PTPRD: variants seen among roughly 807,000 people sequenced by gnomAD.
PTPRD encodes the protein receptor-type tyrosine-protein phosphatase delta.
A neutral mutation model predicts 214.5 loss-of-function variants in PTPRD; 34 were observed. The observed-to-expected ratio is 0.16, with a 90% confidence interval of 0.12 to 0.21. The LOEUF is 0.21. Among genes scored for constraint, PTPRD ranks in the 10% least tolerant of loss-of-function variants. The pLI is 1.00. For missense variants in PTPRD, 2,545 were observed against 2,398.7 expected (o/e 1.06, Z -1.27); for synonymous variants, 1,128 against 845.7 (o/e 1.33, Z -5.79).
chr9:8,808,996 A>G (rs972576919), intron 11 of PTPRD, among the ~76,000 whole-genome samples: 1 of 152,184 alleles, frequency 6.6e-6, no homozygotes, highest in Non-Finnish European at 1.5e-5. Flanking sequence ...GCCACTATTC[A>G]TAGAACAAAA....
At chr9:9,951,667 A>G (rs2093466124) in intron 4 of PTPRD, among the ~76,000 whole-genome samples, 1 of 152,196 alleles carries the variant, frequency 6.6e-6, no homozygotes, top group African/African-American at 2.4e-5. Context: ...ATTCCTTCCT[A>G]CAGCCCCTCT....
chr9:10,345,866 T>G (rs2097068581), intron 2 of PTPRD, among the ~76,000 whole-genome samples: 3 of 152,218 alleles, frequency 2.0e-5, no homozygotes, highest in Admixed American at 1.3e-4. Flanking sequence ...TGAAGTAATT[T>G]ACACTCCCAC....
chr9:9,625,553 A>ATTTTTT (rs61688647), intron 7 of PTPRD, among the ~76,000 whole-genome samples: 6 of 142,872 alleles, frequency 4.2e-5, no homozygotes, highest in Non-Finnish European at 3.1e-5. Context: ...TTGTTCCTCT[A>ATTTTTT]TTTTTTTTTT....
chr9:8,338,246 A>C (rs1476664111), intron 43 of PTPRD, among the ~76,000 whole-genome samples: 2 of 152,122 alleles, frequency 1.3e-5, no homozygotes, highest in Non-Finnish European at 2.9e-5. Flanking sequence ...TCATGGGTTG[A>C]AAGTGGCCAA....
intron 3 of PTPRD, among the ~76,000 whole-genome samples, chr9:10,199,456 G>A (rs146831332): frequency 6.6e-5 from 10 of 152,028 alleles, no homozygotes; most frequent in South Asian, 4.2e-4. Flanking sequence ...TTATTCTGTC[G>A]TGAAAACTTT....
At chr9:9,867,906 G>C (rs1022356241) in intron 5 of PTPRD, among the ~76,000 whole-genome samples, 2 of 152,154 alleles carry the variant, frequency 1.3e-5, no homozygotes, top group Non-Finnish European at 2.9e-5. Flanking sequence ...TCCCCAGAAA[G>C]AAATCTGGAA....
rs71317359 is a variant in PTPRD at position 8,351,742 on chromosome 9, TAAAAAAAAAA to T, written c.4662-9774_4662-9765del. ...AGAGAGGAGACTGCTTGGCAAAGAG[TAAAAAAAAAA>T]AAAAAAAAAAAAAAAAAAAATCTAG... On this transcript the variant is annotated intron_variant, in intron 39 of 45. Transcript: ENST00000381196. 1.5e-4 allele frequency among the ~76,000 whole-genome samples: 10 copies of T among 68,524 alleles called. No individual in the cohort carries two copies. In the South Asian group the frequency reaches 1.8e-3, roughly 12 times the overall value. 45.0% of individuals were successfully genotyped at this position (68,524 alleles called of 152,430 possible).
intron 9 of PTPRD, among the ~76,000 whole-genome samples, chr9:9,191,551 C>T (rs1409527619): frequency 1.3e-5 from 2 of 152,118 alleles, no homozygotes; most frequent in African/African-American, 4.8e-5. Context: ...TTAACTAATA[C>T]ATTTTATGAG....
At chr9:8,557,554 C>A (rs1435149733) in intron 14 of PTPRD, among the ~76,000 whole-genome samples, 1 of 149,086 alleles carries the variant, frequency 6.7e-6, no homozygotes, top group Non-Finnish European at 1.5e-5. Context: ...ACTAGCCTGA[C>A]CAACATGGCG....
chr9:9,837,556 A>C (rs935143768), intron 5 of PTPRD, among the ~76,000 whole-genome samples: 1 of 152,148 alleles, frequency 6.6e-6, no homozygotes, highest in Non-Finnish European at 1.5e-5. Flanking sequence ...TTAAGCAACC[A>C]GTCTTTGATT....
In PTPRD at chr9:10,220,908, C is replaced by T. The variant is rs1476742807; in HGVS notation, c.-545+120055G>A. On this transcript the variant is annotated intron_variant, in intron 3 of 45. Transcript: ENST00000381196. ...AGAGAAGAGAGAAAGCTAAAGGGCA[C>T]AAGGAAGAAATGGACAAAAAATAAA... is the stretch of plus-strand genomic sequence containing the variant. Among the ~76,000 whole-genome samples, 5 of 150,918 alleles carry T rather than the reference C, an allele frequency of 3.3e-5. No homozygotes were observed. In the South Asian group the frequency reaches 6.3e-4, roughly 19 times the overall value.
At chr9:9,256,196 G>C (rs2099977619) in intron 9 of PTPRD, among the ~76,000 whole-genome samples, 1 of 151,934 alleles carries the variant, frequency 6.6e-6, no homozygotes, top group Admixed American at 6.6e-5. Flanking sequence ...TTTCTCCTTG[G>C]ACCACAAAGA....
intron 7 of PTPRD, among the ~76,000 whole-genome samples, chr9:9,625,813 T>C (rs1371564442): frequency 6.6e-6 from 1 of 152,148 alleles, no homozygotes; most frequent in Non-Finnish European, 1.5e-5. Context: ...GTAGAAAGAA[T>C]GGAGGCAATT....
chr9:9,215,117 T>G (rs1444712324), intron 9 of PTPRD, among the ~76,000 whole-genome samples: 1 of 152,166 alleles, frequency 6.6e-6, no homozygotes, highest in African/African-American at 2.4e-5. Flanking sequence ...TGTTAACAAG[T>G]TCAAACTACA....
At chr9:10,164,863 T>C (rs1168441741) in intron 3 of PTPRD, among the ~76,000 whole-genome samples, 1 of 150,182 alleles carries the variant, frequency 6.7e-6, no homozygotes, top group Non-Finnish European at 1.5e-5. Flanking sequence ...ATGCTGAGCT[T>C]GGAAGGGGAC....
chr9:9,945,688 G>C (rs192799178), intron 4 of PTPRD, among the ~76,000 whole-genome samples: 1 of 152,074 alleles, frequency 6.6e-6, no homozygotes, highest in African/African-American at 2.4e-5. Context: ...TAATTTAAGA[G>C]GGGAGAAATT....
intron 9 of PTPRD, among the ~76,000 whole-genome samples, chr9:9,233,960 T>G (rs2099964851): frequency 6.6e-6 from 1 of 152,192 alleles, no homozygotes; most frequent in African/African-American, 2.4e-5. Flanking sequence ...TCTAGCATCC[T>G]GGGGTCTGGA....
At chr9:9,222,356 T>A (rs1303587894) in intron 9 of PTPRD, among the ~76,000 whole-genome samples, 1 of 152,054 alleles carries the variant, frequency 6.6e-6, no homozygotes, top group African/African-American at 2.4e-5. Flanking sequence ...AAAATGGCAT[T>A]ATTTTTGAAA....
chr9:10,220,186 T>A (rs1227418018), intron 3 of PTPRD, among the ~76,000 whole-genome samples: 1 of 151,862 alleles, frequency 6.6e-6, no homozygotes, highest in African/African-American at 2.4e-5. Flanking sequence ...ATGTAGTGAA[T>A]AATAAATTGC....
Sources: gnomAD v4.1 joint callset for allele counts (sites outside exome capture counted in the v4.1 genomes callset) on GRCh38, gnomAD v4.1.1 for gene constraint, MANE v1.5 for transcripts, NCBI Gene and HGNC (gene_info 2026-07-23, HGNC 2026-07-21) for gene names.